The following NR5A2 variants were observed in gnomAD, a reference collection of about 807,000 sequenced individuals.
NR5A2 encodes nuclear receptor subfamily 5 group A member 2, also known as CYP7A promoter-binding factor.
Under a neutral mutation model 62.7 loss-of-function variants are expected in NR5A2, and 26 were observed. That is an observed-to-expected ratio of 0.41 (90% CI 0.30 to 0.58). The LOEUF (loss-of-function observed/expected upper bound fraction) is 0.58, where lower values mean the gene tolerates loss of function less well. Among genes scored for constraint, NR5A2 ranks in the 20% least tolerant of loss-of-function variants. The pLI, the probability that NR5A2 is intolerant of heterozygous loss-of-function variation, is 0.22. For synonymous variants in NR5A2, 246 were observed against 241.7 expected, an observed-to-expected ratio of 1.02 and a Z score of -0.16; for missense variants, 541 against 669.1, an observed-to-expected ratio of 0.81 and a Z score of 2.11.
At chr1:200,094,193 T>A (rs374723290) in intron 5 of NR5A2, among the ~76,000 whole-genome samples, 16 of 122,122 alleles carry the variant, frequency 1.3e-4, no homozygotes, top group South Asian at 5.6e-4. Flanking sequence ...TTTTTTTTTT[T>A]CTTTTTTTGG....
chr1:200,050,402 T>G (rs1001386692), intron 5 of NR5A2, among the ~76,000 whole-genome samples: 1 of 152,228 alleles, frequency 6.6e-6, no homozygotes. Context: ...GGCAGGTTGT[T>G]AGATTCTCTG....
chr1:200,111,738 A>G (rs911576863), intron 6 of NR5A2, among the ~76,000 whole-genome samples: 1 of 152,178 alleles, frequency 6.6e-6, no homozygotes, highest in Non-Finnish European at 1.5e-5. Flanking sequence ...ATGGATTTGG[A>G]TGTCATGAAT....
chr1:200,088,539 G>A (rs1664666005), intron 5 of NR5A2, among the ~76,000 whole-genome samples: 1 of 151,124 alleles, frequency 6.6e-6, no homozygotes, highest in African/African-American at 2.4e-5. Flanking sequence ...TTACAGGCGT[G>A]AGCCACCATG....
chr1:200,094,329 C>T (rs549024982), intron 5 of NR5A2, among the ~76,000 whole-genome samples: 20 of 151,212 alleles, frequency 1.3e-4, no homozygotes, highest in Non-Finnish European at 1.8e-4. Flanking sequence ...GGGTTACAGG[C>T]GCGGGCTACC....
At chr1:200,166,591 A>G (rs1357145379) in intron 7 of NR5A2, among the ~76,000 whole-genome samples, 2 of 152,208 alleles carry the variant, frequency 1.3e-5, no homozygotes, top group Non-Finnish European at 2.9e-5. Context: ...CAAGTGACAG[A>G]AACTTGCAGG....
intron 2 of NR5A2, among the ~76,000 whole-genome samples, chr1:200,041,436 C>T (rs753909380): frequency 1.3e-5 from 2 of 152,066 alleles, no homozygotes; most frequent in Admixed American, 6.5e-5. Flanking sequence ...GCCTGCCTGT[C>T]GGGAGGAGCC....
At chr1:200,168,383 A>G (rs1654010086) in intron 7 of NR5A2, among the ~76,000 whole-genome samples, 1 of 151,690 alleles carries the variant, frequency 6.6e-6, no homozygotes, top group Non-Finnish European at 1.5e-5. Flanking sequence ...CCAACTTTTT[A>G]TTTTTATTTT....
chr1:200,163,617 G>A (rs1170793986), intron 7 of NR5A2, among the ~76,000 whole-genome samples: 1 of 151,948 alleles, frequency 6.6e-6, no homozygotes, highest in African/African-American at 2.4e-5. Context: ...AAGTAGCTGA[G>A]ACTATAGGCG....
intron 5 of NR5A2, among the ~76,000 whole-genome samples, chr1:200,109,722 C>A (rs1665850823): frequency 6.6e-6 from 1 of 152,056 alleles, no homozygotes; most frequent in African/African-American, 2.4e-5. Flanking sequence ...AATTATAGAG[C>A]CTCTTGATAT....
intron 6 of NR5A2, among the ~76,000 whole-genome samples, chr1:200,112,013 C>T (rs1482444766): frequency 2.0e-5 from 3 of 147,936 alleles, no homozygotes; most frequent in East Asian, 2.0e-4. Flanking sequence ...GAGAAGCTGA[C>T]ATTAAACAAT....
At chr1:200,066,172 G>A (rs1558117357) in intron 5 of NR5A2, among the ~76,000 whole-genome samples, 1 of 152,178 alleles carries the variant, frequency 6.6e-6, no homozygotes, top group Non-Finnish European at 1.5e-5. Flanking sequence ...GAGATGGAGA[G>A]ATGGTGGCTT....
intron 7 of NR5A2, among the ~76,000 whole-genome samples, chr1:200,130,309 GAAGAAGAAGAAGAA>G (rs1404833205): frequency 2.7e-4 from 2 of 7,356 alleles, no homozygotes; most frequent in African/African-American, 4.5e-4. Context: ...AGAAGAAGAA[GAAGAAGAAGAAGAA>G]AAAAAAAATC....
At chr1:200,137,632 A>G (rs1667283141) in intron 7 of NR5A2, among the ~76,000 whole-genome samples, 2 of 152,298 alleles carry the variant, frequency 1.3e-5, no homozygotes, top group East Asian at 1.9e-4. Context: ...ATCAAACTCA[A>G]TGGAGTGAAA....
At chr1:200,144,229 TCTCTCACACA>T (rs781687559) in intron 7 of NR5A2, among the ~76,000 whole-genome samples, 2,973 of 126,826 alleles carry the variant, frequency 0.023, 86 homozygotes, top group African/African-American at 0.079. Context: ...TCTCTCTCTC[TCTCTCACACA>T]CACACACACA....
intron 7 of NR5A2, among the ~76,000 whole-genome samples, chr1:200,170,820 A>G (rs956096397): frequency 1.3e-5 from 2 of 152,260 alleles, no homozygotes; most frequent in Non-Finnish European, 2.9e-5. Flanking sequence ...TGTAAAGTAC[A>G]GTATTTTATT....
chr1:200,120,994 T>C (rs936555787), intron 7 of NR5A2, 39 bp downstream of exon 7: 14 of 1,608,414 alleles, frequency 8.7e-6, no homozygotes, highest in Non-Finnish European at 1.2e-5. Context: ...CAACCAACGA[T>C]TGCTAAATGA....
intron 7 of NR5A2, among the ~76,000 whole-genome samples, chr1:200,167,135 C>G (rs576161280): frequency 3.9e-4 from 60 of 152,340 alleles, no homozygotes; most frequent in African/African-American, 1.3e-3. Context: ...AGTCCCAAAT[C>G]TATACCTCCA....
intron 5 of NR5A2, among the ~76,000 whole-genome samples, chr1:200,052,006 C>T (rs971006979): frequency 2.6e-5 from 4 of 152,096 alleles, no homozygotes; most frequent in South Asian, 2.1e-4. Context: ...CTACAAGCCA[C>T]GCACTCTGAT....
At chr1:200,074,736 C>CAAAAAAAAAAAAAAACAA (rs1663934284) in intron 5 of NR5A2, among the ~76,000 whole-genome samples, 2 of 67,558 alleles carry the variant, frequency 3.0e-5, no homozygotes, top group African/African-American at 1.2e-4. Context: ...GAGTCCATCT[C>CAAAAAAAAAAAAAAACAA]AAAAAAAAAA....
Sources: allele counts gnomAD v4.1 joint callset (sites outside exome capture counted in the v4.1 genomes callset), GRCh38; gene constraint gnomAD v4.1.1; transcripts MANE v1.5; gene names NCBI Gene and HGNC (gene_info 2026-07-23, HGNC 2026-07-21).